The following SRSF9 variants were observed in gnomAD, a reference collection of about 807,000 sequenced individuals.
SRSF9 encodes the protein serine and arginine rich splicing factor 9, also known as serine/arginine-rich splicing factor 9.
A neutral mutation model predicts 25.9 loss-of-function variants in SRSF9; 3 were observed. The observed-to-expected ratio is 0.12, with a 90% CI of 0.05 to 0.30. The LOEUF (loss-of-function observed/expected upper bound fraction) is 0.30, where lower values mean the gene tolerates loss of function less well. Among genes scored for constraint, SRSF9 ranks in the 10% least tolerant of loss-of-function variants. The pLI is 1.00. For synonymous variants in SRSF9, 114 were observed against 113.2 expected, an observed-to-expected ratio of 1.01 and a Z score of -0.05; for missense variants, 161 against 303.5, an observed-to-expected ratio of 0.53 and a Z score of 3.49.
At chr12:120,467,200 C>T (rs1216328555) in intron 1 of SRSF9, among the ~76,000 whole-genome samples, 1 of 149,502 alleles carries the variant, frequency 6.7e-6, no homozygotes. Context: ...GTCAGAACAA[C>T]TCTGAATAAA....
intron 3 of SRSF9, 25 bp from the exon 4 acceptor site, chr12:120,462,187 G>C (rs771859336): frequency 6.3e-7 from 1 of 1,586,152 alleles, no homozygotes; most frequent in Admixed American, 1.8e-5. Flanking sequence ...AAAACAAAAA[G>C]AGTAAAGGGG....
Position 120,469,429 on chromosome 12 carries a change from C to A in SRSF9, c.181G>T (p.Asp61Tyr). Residue 61 changes from aspartate to tyrosine, a missense_variant, in exon 1 of 4, where the codon GAC (aspartate) becomes TAC (tyrosine). Coordinates refer to ENST00000229390, the MANE Select transcript of SRSF9 (RefSeq NM_003769.3). ...GGGGCGCGGGGGCCTCACCGGGGGT[C>A]CTCGAAGCGCACGAAGGCGAAGGGC... ...LVPFAFVRFEDPRDAEDAIYG... is the reference protein window; with the variant it reads ...LVPFAFVRFEYPRDAEDAIYG... 1 of 1,583,580 alleles carries A rather than the reference C, an allele frequency of 6.3e-7. No individual in the cohort carries two copies.
rs35719401 is a variant in SRSF9 at position 120,466,542 on chromosome 12, CTTTT to C, written c.189-759_189-756del. ...TGAGTGTTTTGTGATGAATGTGGAACTTTTTTTTTTTTTGAAACGGGGTCTTGCT... is the reference window on the plus strand; with the variant it reads ...TGAGTGTTTTGTGATGAATGTGGAACTTTTTTTTTGAAACGGGGTCTTGCT... On this transcript the variant is annotated intron_variant, in intron 1 of 3. Transcript: ENST00000229390. Among the ~76,000 whole-genome samples the C allele has an allele frequency of 5.3e-3, 782 of 146,680 alleles. 15 individuals are homozygous for C. Among genetic ancestry groups the C allele is most frequent in the Non-Finnish European group, 4.9e-3 (326 of 66,108 alleles).
intron 2 of SRSF9, 54 bp from the exon 3 acceptor site, chr12:120,464,176 T>C: frequency 6.4e-7 from 1 of 1,559,742 alleles, no homozygotes; most frequent in Non-Finnish European, 8.7e-7. Context: ...TTAACTGCCC[T>C]GTTAAGAGCC....
intron 1 of SRSF9, among the ~76,000 whole-genome samples, chr12:120,468,987 C>T (rs747646534): frequency 2.0e-5 from 3 of 152,064 alleles, no homozygotes; most frequent in Non-Finnish European, 4.4e-5. Context: ...CATCCGCGAC[C>T]CTGCAGCTTG....
chr12:120,469,331 CG>C, intron 1 of SRSF9, 90 bp downstream of exon 1: 18 of 770,750 alleles, frequency 2.3e-5, no homozygotes, highest in East Asian at 3.7e-5. Context: ...GAGGGGAGGC[CG>C]GGGGGAGGGG....
At chr12:120,469,312 AG>A (rs1453626334) in intron 1 of SRSF9, 109 bp downstream of exon 1, 29 of 622,166 alleles carry the variant, frequency 4.7e-5, no homozygotes, top group Non-Finnish European at 6.6e-5. Flanking sequence ...GTCTGCGCGG[AG>A]GCGGGGGGAG....
chr12:120,462,151 G>A lies in SRSF9; in HGVS notation c.534C>T (p.Ser178=). 1.9e-6 allele frequency: 3 copies of A among 1,610,888 alleles called. No individual in the cohort carries two copies. Among genetic ancestry groups the A allele is most frequent in the Non-Finnish European group, 2.5e-6 (3 of 1,178,848 alleles). Residue 178 remains serine (S), a synonymous_variant, in exon 4 of 4, where the codon TCC becomes TCT. Transcript: ENST00000229390. Reference sequence around the variant, plus strand: ...TTCTCTCAGGATAAACTCGGATGTAGGAAGTTTCACCCTGAAATGCAAACA... The same window carrying A: ...TTCTCTCAGGATAAACTCGGATGTAAGAAGTTTCACCCTGAAATGCAAACA... The part of the protein sequence containing the change: ...TKFRSHEGET[S]YIRVYPERST...
At chr12:120,463,867 C>G in intron 3 of SRSF9, 83 bp downstream of exon 3, 1 of 1,482,178 alleles carries the variant, frequency 6.7e-7, no homozygotes, top group South Asian at 1.4e-5. Context: ...TACCAAATGG[C>G]ATGGCCTCTT....
intron 1 of SRSF9, among the ~76,000 whole-genome samples, chr12:120,468,604 G>A (rs1213726880): frequency 6.6e-6 from 1 of 152,210 alleles, no homozygotes; most frequent in African/African-American, 2.4e-5. Flanking sequence ...AATGATGCTA[G>A]GAAAACAGGG....
At chr12:120,468,746 C>T (rs1173953303) in intron 1 of SRSF9, among the ~76,000 whole-genome samples, 2 of 152,210 alleles carry the variant, frequency 1.3e-5, no homozygotes, top group Admixed American at 1.3e-4. Flanking sequence ...AAATCACAAG[C>T]ACTCCTTAGA....
chr12:120,469,264 C>A (rs1003514304), intron 1 of SRSF9, among the ~76,000 whole-genome samples, 158 bp downstream of exon 1: 61 of 151,986 alleles, frequency 4.0e-4, no homozygotes, highest in African/African-American at 1.3e-3. Flanking sequence ...CGAGGAGAGG[C>A]TGCCTCATCC....
chr12:120,465,805 A>C lies in SRSF9; in HGVS notation c.189-18T>G. ...CTGCATCTCTAAAAAAAACAACAAC[A>C]ACAAAAAAAACGTTTGGAGTTAGTG... On this transcript the variant is annotated intron_variant, in intron 1 of 3. Transcript: ENST00000229390. 6.4e-7 allele frequency: 1 copy of C among 1,565,224 alleles called. No homozygotes were observed. The highest frequency in any genetic ancestry group is 8.6e-7 in the Non-Finnish European group (1 of 1,165,152).
intron 1 of SRSF9, among the ~76,000 whole-genome samples, chr12:120,467,824 G>A (rs2137051798): frequency 6.7e-6 from 1 of 149,324 alleles, no homozygotes; most frequent in African/African-American, 2.5e-5. Flanking sequence ...GCCTGGCGTG[G>A]TGGCTCAGGC....
intron 1 of SRSF9, among the ~76,000 whole-genome samples, chr12:120,468,237 A>AGT (rs1878533542): frequency 6.6e-6 from 1 of 151,896 alleles, no homozygotes; most frequent in South Asian, 2.1e-4. Flanking sequence ...GTTCCAGACC[A>AGT]GCCTGAGCAA....
At chr12:120,465,539 G>A (rs756293522) in intron 2 of SRSF9, 88 bp downstream of exon 2, 160 of 1,426,670 alleles carry the variant, frequency 1.1e-4, no homozygotes, top group Admixed American at 4.0e-4. Context: ...CCCATGCACT[G>A]AAGAATAACA....
chr12:120,468,080 G>C (rs1273876315), intron 1 of SRSF9, among the ~76,000 whole-genome samples: 1 of 78,802 alleles, frequency 1.3e-5, no homozygotes, highest in Non-Finnish European at 2.3e-5. Flanking sequence ...GGCAACAAGA[G>C]TGAAGACCTG....
intron 2 of SRSF9, chr12:120,464,809 T>G (rs1228126665): frequency 6.6e-6 from 1 of 152,044 alleles, no homozygotes; most frequent in African/African-American, 2.4e-5. Flanking sequence ...CTGCAGCCAT[T>G]TCCTAATAGT....
At chr12:120,462,294 A>G in intron 3 of SRSF9, 132 bp from the exon 4 acceptor site, 1 of 931,296 alleles carries the variant, frequency 1.1e-6, no homozygotes, top group Non-Finnish European at 1.6e-6. Flanking sequence ...GCATGAGGCT[A>G]TCTCATTAAA....
Sources: gnomAD v4.1 joint callset for allele counts (sites outside exome capture counted in the v4.1 genomes callset) on GRCh38, gnomAD v4.1.1 for gene constraint, MANE v1.5 for transcripts, NCBI Gene and HGNC (gene_info 2026-07-23, HGNC 2026-07-21) for gene names.